The following GNA15 variants were observed in gnomAD, a reference collection of about 807,000 sequenced individuals.
GNA15 encodes the protein G protein subunit alpha 15, also known as guanine nucleotide-binding protein subunit alpha-15.
In GNA15, 23 loss-of-function variants were observed where a neutral mutation model predicts 40.1. The observed-to-expected ratio is 0.57, with a 90% confidence interval of 0.41 to 0.81. The LOEUF (loss-of-function observed/expected upper bound fraction) is 0.81, where lower values mean the gene tolerates loss of function less well. Among genes scored for constraint, GNA15 ranks in the 40% least tolerant of loss-of-function variants. The pLI is 0.00. For missense variants in GNA15, 522 were observed against 515.8 expected (o/e 1.01, Z -0.12); for synonymous variants, 226 against 210.4 (o/e 1.07, Z -0.64).
At chr19:3,138,554 A>C (rs552401355) in intron 1 of GNA15, among the ~76,000 whole-genome samples, 1 of 152,354 alleles carries the variant, frequency 6.6e-6, no homozygotes, top group Non-Finnish European at 1.5e-5. Flanking sequence ...AAGAGAGAGA[A>C]CATCGAGTGG....
chr19:3,144,753 C>G (rs997836848), intron 1 of GNA15, among the ~76,000 whole-genome samples: 1 of 151,676 alleles, frequency 6.6e-6, no homozygotes, highest in East Asian at 1.9e-4. Context: ...TGGTCTCGAT[C>G]TCCTGACCTC....
Position 3,148,769 on chromosome 19 carries a change from G to A in GNA15, c.324G>A (p.Glu108=), listed in dbSNP as rs756891961. Residue 108 remains glutamate (E), a synonymous_variant, in exon 2 of 7, where the codon GAG becomes GAA. Transcript: ENST00000262958. ...ERLQIPFSRP[E]SKHHASLVMS... is the part of the protein sequence containing the mutation. ...TGCAGATTCCATTCAGCAGGCCCGAGAGCAAGGTGAGCCGCCAGGGCAGGC... is the reference window on the plus strand; with the variant it reads ...TGCAGATTCCATTCAGCAGGCCCGAAAGCAAGGTGAGCCGCCAGGGCAGGC... The A allele has an allele frequency of 1.5e-5, 24 of 1,594,096 alleles. 1 individual carries two copies. The highest frequency in any genetic ancestry group is 1.7e-6 in the Non-Finnish European group (2 of 1,170,300).
Position 3,148,729 on chromosome 19 carries a change from A to G in GNA15, c.284A>G (p.Glu95Gly), listed in dbSNP as rs1203510941. The G allele has an allele frequency of 1.2e-6, 2 of 1,603,970 alleles. No homozygotes were observed. Among genetic ancestry groups the G allele is most frequent in the East Asian group, 2.2e-5 (1 of 44,508 alleles). ...NIFVSMRAMI[E>G]AMERLQIPFS... ...TTCGTGTCCATGCGGGCCATGATCG[A>G]GGCCATGGAGCGGCTGCAGATTCCA... The change falls in exon 2 of 7, where the codon GAG becomes GGG. Residue 95 changes from glutamate to glycine, a missense_variant. Transcript: ENST00000262958.
chr19:3,137,477 C>T (rs1450599804), intron 1 of GNA15, among the ~76,000 whole-genome samples: 6 of 151,898 alleles, frequency 4.0e-5, no homozygotes, highest in South Asian at 2.1e-4. Flanking sequence ...GGTGAAGCCC[C>T]GTCTCTACTA....
chr19:3,162,588 G>T (rs560526705), intron 6 of GNA15, among the ~76,000 whole-genome samples: 2 of 152,190 alleles, frequency 1.3e-5, no homozygotes, highest in East Asian at 3.8e-4. Flanking sequence ...CACATGACTC[G>T]TGTGAGACAA....
At chr19:3,156,302 T>C (rs1270990005) in intron 5 of GNA15, among the ~76,000 whole-genome samples, 1 of 149,686 alleles carries the variant, frequency 6.7e-6, no homozygotes, top group Non-Finnish European at 1.5e-5. Flanking sequence ...GGGACACATG[T>C]ACACACGCAG....
chr19:3,151,699 C>T lies in GNA15; in HGVS notation c.486-8C>T, dbSNP rs1227381916. 6.3e-7 allele frequency: 1 copy of T among 1,584,312 alleles called. No homozygotes were observed. Among genetic ancestry groups the T allele is most frequent in the Non-Finnish European group, 8.6e-7 (1 of 1,165,840 alleles). On this transcript the variant is annotated splice_polypyrimidine_tract_variant and splice_region_variant and intron_variant, in intron 3 of 6. Coordinates refer to ENST00000262958, the MANE Select transcript of GNA15 (RefSeq NM_002068.4). This position sits in a 1 kb window ranked among gnomAD's most constrained non-coding sequence, Gnocchi z 5.0. ...CAAGGCTGGGCCTCAGGACTCCTTGCTCTGCAGCTACCTGTCCCACCTGGA... is the reference window on the plus strand; with the variant it reads ...CAAGGCTGGGCCTCAGGACTCCTTGTTCTGCAGCTACCTGTCCCACCTGGA...
At chr19:3,147,982 G>A (rs951859334) in intron 1 of GNA15, among the ~76,000 whole-genome samples, 2 of 152,152 alleles carry the variant, frequency 1.3e-5, no homozygotes, top group African/African-American at 4.8e-5. Flanking sequence ...TCAAGCAGCC[G>A]GAGTTTGCGA....
At chr19:3,147,648 T>C (rs930288529) in intron 1 of GNA15, among the ~76,000 whole-genome samples, 8 of 151,538 alleles carry the variant, frequency 5.3e-5, no homozygotes, top group Admixed American at 2.6e-4. Context: ...GGCTCACGCT[T>C]GTAATCCCAG....
rs573478329 is a variant in GNA15 at position 3,144,762 on chromosome 19, T to C, written c.146-3829T>C. Among the ~76,000 whole-genome samples, 31 of 151,842 alleles carry C rather than the reference T, an allele frequency of 2.0e-4. No individual in the cohort carries two copies. The South Asian group carries it at 4.4e-3, about 21-fold the overall frequency. On this transcript the variant is annotated intron_variant, in intron 1 of 6. Transcript: ENST00000262958. ...CCAGGATGGTCTCGATCTCCTGACCTCGTGATCCGCCCGCCTTGGCCTCCC... is the reference window on the plus strand; with the variant it reads ...CCAGGATGGTCTCGATCTCCTGACCCCGTGATCCGCCCGCCTTGGCCTCCC...
At chr19:3,144,741 G>C (rs535982907) in intron 1 of GNA15, among the ~76,000 whole-genome samples, 223 of 151,622 alleles carry the variant, frequency 1.5e-3, no homozygotes, top group African/African-American at 5.2e-3. Context: ...TGTTAGCCAG[G>C]ATGGTCTCGA....
intron 1 of GNA15, among the ~76,000 whole-genome samples, chr19:3,144,770 C>T (rs866800058): frequency 9.9e-5 from 15 of 150,800 alleles, no homozygotes; most frequent in East Asian, 3.9e-4. Flanking sequence ...CCTCGTGATC[C>T]GCCCGCCTTG....
chr19:3,163,149 GC>G lies in GNA15; in HGVS notation c.*133del. The G allele has an allele frequency of 4.6e-6, 3 of 648,310 alleles. No individual in the cohort carries two copies. The East Asian group carries it at 8.2e-5, about 18-fold the overall frequency. 40.2% of individuals were successfully genotyped at this position (648,310 alleles called of 1,614,324 possible). On this transcript the variant is annotated 3_prime_UTR_variant, in exon 7 of 7. Coordinates refer to ENST00000262958, the MANE Select transcript of GNA15 (RefSeq NM_002068.4). ...ACGCAAGGGAGTCGGGGGACGGACG[GC>G]CCGCTGCTGGCCGCTCTCTTCTCTG...
intron 1 of GNA15, among the ~76,000 whole-genome samples, chr19:3,140,038 A>AAAAG (rs1914540295): frequency 1.7e-5 from 1 of 59,656 alleles, no homozygotes; most frequent in African/African-American, 6.2e-5. Flanking sequence ...CATCTCAAAA[A>AAAAG]AAAAAAATCT....
intron 1 of GNA15, among the ~76,000 whole-genome samples, chr19:3,147,826 T>C (rs1347797441): frequency 6.9e-6 from 1 of 145,010 alleles, no homozygotes; most frequent in Non-Finnish European, 1.5e-5. Context: ...AGACGGAGCT[T>C]GCAGTGAGCC....
intron 1 of GNA15, among the ~76,000 whole-genome samples, chr19:3,145,354 TA>T (rs1568294481): frequency 2.2e-4 from 8 of 35,970 alleles, no homozygotes; most frequent in African/African-American, 3.7e-4. Context: ...TATATATATA[TA>T]TATATTTTTT....
intron 1 of GNA15, among the ~76,000 whole-genome samples, chr19:3,141,178 G>A (rs960791239): frequency 2.0e-5 from 3 of 152,008 alleles, no homozygotes; most frequent in East Asian, 1.9e-4. Context: ...GCCGTGAGCC[G>A]GGTATGGTGG....
rs1396369655 is a variant in GNA15, at chr19:3,137,000, A to C, written c.145+405A>C. 6.6e-6 allele frequency among the ~76,000 whole-genome samples: 1 copy of C among 152,136 alleles called. No homozygotes were observed. The highest frequency in any genetic ancestry group is 6.5e-5 in the Admixed American group (1 of 15,280). ...AGGGGCCGGCTCCAGCCTCTCCTTC[A>C]CCAGGACGCTCCCTCTCGCCTTTAC... On this transcript the variant is annotated intron_variant, in intron 1 of 6. Coordinates refer to ENST00000262958, the MANE Select transcript of GNA15 (RefSeq NM_002068.4). The surrounding 1 kb of genome is among the most constrained non-coding windows in gnomAD (Gnocchi z 4.9).
chr19:3,143,281 T>G (rs1241999430), intron 1 of GNA15: 1 of 152,206 alleles, frequency 6.6e-6, no homozygotes, highest in Admixed American at 6.6e-5. Context: ...CGGTAAGATT[T>G]AAATCATGCT....
Sources: gnomAD v4.1 joint callset for allele counts (sites outside exome capture counted in the v4.1 genomes callset) on GRCh38, gnomAD v4.1.1 for gene constraint, Gnocchi (gnomAD v3.1) non-coding constraint, MANE v1.5 for transcripts, NCBI Gene and HGNC (gene_info 2026-07-23, HGNC 2026-07-21) for gene names.